Variants in EPHA6 observed in about 807,000 individuals in gnomAD.
EPHA6 encodes ephrin type-A receptor 6.
EPHA6 carries 50 observed loss-of-function variants against 112.0 expected under a neutral mutation model. The ratio of observed to expected loss-of-function variants is 0.45; its 90% confidence interval spans 0.36 to 0.56. EPHA6 has a LOEUF of 0.56. EPHA6 is among the 20% of genes least tolerant of loss of function. The pLI is 0.00. For synonymous variants in EPHA6, 529 were observed against 490.7 expected, an observed-to-expected ratio of 1.08 and a Z score of -1.03; for missense variants, 1,280 against 1,417.4, an observed-to-expected ratio of 0.90 and a Z score of 1.56.
intron 5 of EPHA6, among the ~76,000 whole-genome samples, chr3:97,318,866 A>G (rs2081968552): frequency 6.6e-6 from 1 of 151,950 alleles, no homozygotes. Context: ...CTTTCAAGTG[A>G]ACATTTATTG....
chr3:96,891,516 G>C (rs1408025305), intron 2 of EPHA6, among the ~76,000 whole-genome samples: 4 of 152,030 alleles, frequency 2.6e-5, no homozygotes, highest in Admixed American at 6.5e-5. Context: ...TTCGAGACCA[G>C]CCTTCAACAT....
intron 16 of EPHA6, among the ~76,000 whole-genome samples, chr3:97,737,825 GA>G (rs1424372593): frequency 1.3e-5 from 2 of 151,932 alleles, no homozygotes; most frequent in African/African-American, 4.8e-5. Context: ...ATAAATAGTG[GA>G]AAGGATGAAA....
At position 97,205,596 on chromosome 3, in the gene EPHA6, T is replaced by TTTTCATA. The variant is rs1337421536; in HGVS notation, c.1115-20666_1115-20665insTCATATT. Among the ~76,000 whole-genome samples, 8 of 152,100 alleles carry TTTTCATA rather than the reference T, an allele frequency of 5.3e-5. No individual in the cohort carries two copies. In the South Asian group the frequency reaches 1.2e-3, roughly 24 times the overall value. On this transcript the variant is annotated intron_variant, in intron 3 of 17. Transcript: ENST00000389672. The stretch of plus-strand genomic sequence containing the variant: ...AAGGTTGACTTTTCATATGCACAGG[T>TTTTCATA]TTCACAGGGCTGACAGTGAGGCTTG...
At chr3:96,933,067 T>A (rs1482566113) in intron 2 of EPHA6, among the ~76,000 whole-genome samples, 5 of 152,122 alleles carry the variant, frequency 3.3e-5, no homozygotes, top group African/African-American at 1.2e-4. Flanking sequence ...GGCATTATTT[T>A]GACTTCAGCC....
chr3:97,183,527 T>A (rs887371430), intron 3 of EPHA6, among the ~76,000 whole-genome samples: 1 of 152,174 alleles, frequency 6.6e-6, no homozygotes, highest in Admixed American at 6.6e-5. Context: ...AAGGAACATC[T>A]CATAAAAGTT....
chr3:97,229,945 T>G (rs549175144), intron 4 of EPHA6, among the ~76,000 whole-genome samples: 7 of 152,242 alleles, frequency 4.6e-5, no homozygotes, highest in Admixed American at 3.3e-4. Context: ...TTAATATAAT[T>G]TCTCACTTAT....
intron 5 of EPHA6, among the ~76,000 whole-genome samples, chr3:97,302,492 T>TTTA (rs963229572): frequency 4.0e-5 from 6 of 150,964 alleles, no homozygotes; most frequent in Non-Finnish European, 7.4e-5. Flanking sequence ...TTTTTTTTAA[T>TTTA]TTATTATTAT....
intron 6 of EPHA6, among the ~76,000 whole-genome samples, chr3:97,441,868 T>G (rs2090149343): frequency 6.6e-6 from 1 of 152,152 alleles, no homozygotes; most frequent in African/African-American, 2.4e-5. Context: ...TAAACATTTC[T>G]AACTAACAGA....
At chr3:97,135,201 G>A (rs911340011) in intron 3 of EPHA6, among the ~76,000 whole-genome samples, 1 of 152,132 alleles carries the variant, frequency 6.6e-6, no homozygotes, top group African/African-American at 2.4e-5. Context: ...GTGGCACAAC[G>A]CTAACTTTTA....
At chr3:97,741,981 G>T (rs1454216167) in intron 16 of EPHA6, among the ~76,000 whole-genome samples, 2 of 151,942 alleles carry the variant, frequency 1.3e-5, no homozygotes, top group Non-Finnish European at 2.9e-5. Context: ...CTCCCACAAT[G>T]CCCAGCCACT....
At chr3:97,579,277 A>G (rs1273794068) in intron 11 of EPHA6, among the ~76,000 whole-genome samples, 1 of 152,064 alleles carries the variant, frequency 6.6e-6, no homozygotes, top group African/African-American at 2.4e-5. Flanking sequence ...CGTTCTTTCA[A>G]TTAGGCTGCA....
intron 3 of EPHA6, among the ~76,000 whole-genome samples, chr3:97,095,029 A>G (rs1451131372): frequency 6.6e-6 from 1 of 152,066 alleles, no homozygotes; most frequent in Non-Finnish European, 1.5e-5. Context: ...CCCATCGCCT[A>G]TGATTAGTGT....
intron 3 of EPHA6, among the ~76,000 whole-genome samples, chr3:97,044,727 C>A (rs1328298770): frequency 1.3e-5 from 2 of 151,722 alleles, no homozygotes; most frequent in Admixed American, 6.6e-5. Flanking sequence ...AAAAAAAAAT[C>A]TCTGGATTTG....
intron 5 of EPHA6, among the ~76,000 whole-genome samples, chr3:97,246,045 A>T (rs2078978653): frequency 6.6e-6 from 1 of 152,000 alleles, no homozygotes; most frequent in South Asian, 2.1e-4. Context: ...GTTCCACATC[A>T]TAGAATTTGC....
At chr3:97,030,686 A>G (rs574973309) in intron 3 of EPHA6, among the ~76,000 whole-genome samples, 1 of 152,150 alleles carries the variant, frequency 6.6e-6, no homozygotes, top group Non-Finnish European at 1.5e-5. Flanking sequence ...TTTAATGAGG[A>G]GTTTGTAAAT....
chr3:97,100,520 G>A (rs1576488221), intron 3 of EPHA6, among the ~76,000 whole-genome samples: 1 of 151,694 alleles, frequency 6.6e-6, no homozygotes, highest in Non-Finnish European at 1.5e-5. Flanking sequence ...AGGCTAATTT[G>A]CCCACATCAT....
chr3:97,413,396 A>G (rs1179496677), intron 6 of EPHA6, among the ~76,000 whole-genome samples: 2 of 151,666 alleles, frequency 1.3e-5, no homozygotes, highest in South Asian at 2.1e-4. Flanking sequence ...AAGAGCAAGC[A>G]GGAGGGAGAA....
chr3:97,716,561 C>A (rs2034241116), intron 14 of EPHA6, among the ~76,000 whole-genome samples: 2 of 105,752 alleles, frequency 1.9e-5, no homozygotes, highest in Admixed American at 1.1e-4. Context: ...GGCGACAGAG[C>A]GAGACTCCGT....
At chr3:97,350,792 T>C (rs369703102) in intron 5 of EPHA6, among the ~76,000 whole-genome samples, 1 of 152,056 alleles carries the variant, frequency 6.6e-6, no homozygotes, top group Non-Finnish European at 1.5e-5. Context: ...CTACTGCTAC[T>C]CCTGCATTGT....
Sources: allele counts gnomAD v4.1 joint callset (sites outside exome capture counted in the v4.1 genomes callset), GRCh38; gene constraint gnomAD v4.1.1; transcripts MANE v1.5; gene names NCBI Gene and HGNC (gene_info 2026-07-23, HGNC 2026-07-21).